LRBA: variants seen among roughly 807,000 people sequenced by gnomAD.
The protein encoded by LRBA is LPS responsive beige-like anchor protein.
In LRBA, 176 loss-of-function variants were observed where a neutral mutation model predicts 330.0. That is an observed-to-expected ratio of 0.53 (90% CI 0.47 to 0.60). The LOEUF (loss-of-function observed/expected upper bound fraction) is 0.60. Among genes scored for constraint, LRBA ranks in the 20% least tolerant of loss-of-function variants. LRBA has a pLI of 0.00. For synonymous variants in LRBA, 1,230 were observed against 1,193.0 expected (o/e 1.03, Z -0.64); for missense variants, 3,259 against 3,444.8 (o/e 0.95, Z 1.35).
chr4:150,521,591 T>C (rs1353206888), intron 40 of LRBA, among the ~76,000 whole-genome samples: 1 of 152,184 alleles, frequency 6.6e-6, no homozygotes, highest in Non-Finnish European at 1.5e-5. Flanking sequence ...CTTCCTAATG[T>C]CCCTAATGGT....
intron 34 of LRBA, among the ~76,000 whole-genome samples, chr4:150,781,576 G>A (rs1292311111): frequency 6.6e-6 from 1 of 152,182 alleles, no homozygotes; most frequent in Non-Finnish European, 1.5e-5. Context: ...AGGAGTTGGG[G>A]ACGTCTGTTT....
intron 34 of LRBA, among the ~76,000 whole-genome samples, chr4:150,786,245 T>A (rs1330078967): frequency 6.8e-6 from 1 of 148,106 alleles, no homozygotes; most frequent in Non-Finnish European, 1.5e-5. Flanking sequence ...ACTTTTGCAT[T>A]TTGCATTTCT....
At chr4:150,387,310 C>G (rs1260490690) in intron 47 of LRBA, among the ~76,000 whole-genome samples, 3 of 151,764 alleles carry the variant, frequency 2.0e-5, no homozygotes, top group Non-Finnish European at 4.4e-5. Flanking sequence ...TCTATATTAC[C>G]TTTATATGGT....
At chr4:150,864,140 G>C (rs1752374847) in intron 22 of LRBA, among the ~76,000 whole-genome samples, 2 of 152,170 alleles carry the variant, frequency 1.3e-5, no homozygotes, top group South Asian at 2.1e-4. Context: ...GTTTCACCAT[G>C]TTGGCCAGGA....
intron 44 of LRBA, among the ~76,000 whole-genome samples, chr4:150,443,114 T>C (rs529476246): frequency 6.6e-6 from 1 of 152,232 alleles, no homozygotes; most frequent in East Asian, 1.9e-4. Flanking sequence ...AGAAAGTAAA[T>C]GACTATCAGT....
At chr4:150,381,642 C>T (rs960735296) in intron 47 of LRBA, among the ~76,000 whole-genome samples, 1 of 151,018 alleles carries the variant, frequency 6.6e-6, no homozygotes, top group Admixed American at 6.6e-5. Flanking sequence ...GCTACTATGA[C>T]TAATGCTGCT....
intron 42 of LRBA, among the ~76,000 whole-genome samples, chr4:150,474,912 C>T (rs1317400884): frequency 2.6e-5 from 4 of 152,046 alleles, no homozygotes; most frequent in East Asian, 3.9e-4. Flanking sequence ...GTATGATGTA[C>T]GTATTGGGAG....
intron 47 of LRBA, among the ~76,000 whole-genome samples, chr4:150,384,546 A>T (rs565586592): frequency 6.6e-6 from 1 of 152,278 alleles, no homozygotes; most frequent in African/African-American, 2.4e-5. Flanking sequence ...TTATGGGCTA[A>T]TGCTTCCTTT....
Position 150,487,792 on chromosome 4 carries a change from T to G in LRBA, c.6491A>C (p.Lys2164Thr), listed in dbSNP as rs1159966868. ...FNFPDPATVK[K>T]VVNYLPRVGV... ...AACACGAGGTAGATAGTTAACCACT[T>G]TCTTTACTGTTGCAGGGTCTGGGAA... Residue 2164 changes from lysine (K) to threonine (T), a missense_variant, in exon 42 of 57, where the codon AAA (lysine) becomes ACA (threonine). Lys to Thr is a moderately conservative substitution (Grantham distance 78, BLOSUM62 -1). Transcript: ENST00000651943. 3.1e-6 allele frequency: 5 copies of G among 1,596,870 alleles called. No homozygotes were observed. Among genetic ancestry groups the G allele is most frequent in the Non-Finnish European group, 4.3e-6 (5 of 1,167,880 alleles).
intron 34 of LRBA, among the ~76,000 whole-genome samples, chr4:150,780,725 A>G (rs1403759117): frequency 6.7e-6 from 1 of 150,316 alleles, no homozygotes; most frequent in Non-Finnish European, 1.5e-5. Context: ...CATATTATGC[A>G]TAAACATCAT....
chr4:150,445,344 C>CCTCT (rs1317931739), intron 44 of LRBA, among the ~76,000 whole-genome samples: 835 of 58,482 alleles, frequency 0.014, 9 homozygotes, highest in African/African-American at 0.035. Context: ...TTTCGGAAAA[C>CCTCT]CTCTCTCTCT....
intron 42 of LRBA, among the ~76,000 whole-genome samples, chr4:150,485,248 A>G (rs925561249): frequency 9.2e-5 from 14 of 151,882 alleles, no homozygotes; most frequent in Non-Finnish European, 1.8e-4. Context: ...TTCCACTTCT[A>G]TCCACTTTTG....
intron 44 of LRBA, among the ~76,000 whole-genome samples, chr4:150,460,435 G>T (rs1561209478): frequency 2.0e-5 from 3 of 151,800 alleles, no homozygotes; most frequent in Admixed American, 1.3e-4. Context: ...CTGTCACTCA[G>T]TTCTCTTCGG....
chr4:150,607,522 C>G (rs969387438), intron 37 of LRBA, among the ~76,000 whole-genome samples: 1 of 150,888 alleles, frequency 6.6e-6, no homozygotes, highest in Non-Finnish European at 1.5e-5. Flanking sequence ...ATCCTAGATG[C>G]CTAATAACAT....
At chr4:150,915,559 C>CA (rs1482697731) in intron 8 of LRBA, 49 bp downstream of exon 8, 1 of 1,535,998 alleles carries the variant, frequency 6.5e-7, no homozygotes, top group Non-Finnish European at 8.8e-7. Flanking sequence ...TTAAAAAGCT[C>CA]ATGCTTTTAA....
intron 47 of LRBA, among the ~76,000 whole-genome samples, chr4:150,358,751 A>G (rs1441357836): frequency 6.6e-6 from 1 of 152,220 alleles, no homozygotes; most frequent in Admixed American, 6.5e-5. Flanking sequence ...TGTAGGTTTT[A>G]TATTATATAG....
intron 31 of LRBA, among the ~76,000 whole-genome samples, chr4:150,809,591 A>G (rs1743298171): frequency 6.6e-6 from 1 of 152,162 alleles, no homozygotes; most frequent in Non-Finnish European, 1.5e-5. Context: ...GCAGTGGCTC[A>G]CGCCAGTAAT....
intron 47 of LRBA, among the ~76,000 whole-genome samples, chr4:150,409,481 C>T (rs1746652006): frequency 6.6e-6 from 1 of 152,066 alleles, no homozygotes; most frequent in Non-Finnish European, 1.5e-5. Context: ...CATATCCTGG[C>T]CTATTTCTGG....
intron 2 of LRBA, among the ~76,000 whole-genome samples, chr4:150,942,484 C>T (rs759317699): frequency 6.6e-6 from 1 of 152,096 alleles, no homozygotes; most frequent in Admixed American, 6.6e-5. Context: ...CTCCAGCCGA[C>T]AGTAAACTAG....
Sources: gnomAD v4.1 joint callset for allele counts (sites outside exome capture counted in the v4.1 genomes callset) on GRCh38, gnomAD v4.1.1 for gene constraint, MANE v1.5 for transcripts, NCBI Gene and HGNC (gene_info 2026-07-23, HGNC 2026-07-21) for gene names.